Variants in VAV3 observed in about 807,000 individuals in gnomAD.
VAV3 encodes the protein vav guanine nucleotide exchange factor 3.
A neutral mutation model predicts 131.2 loss-of-function variants in VAV3; 94 were observed. The observed-to-expected ratio is 0.72, with a 90% CI of 0.61 to 0.85. VAV3 has a LOEUF of 0.85. Ranked by LOEUF, VAV3 falls within the 40% of genes least tolerant of loss-of-function variation. The pLI, the probability that VAV3 is intolerant of heterozygous loss-of-function variation, is 0.00. For missense variants in VAV3, 939 were observed against 1,002.7 expected, an observed-to-expected ratio of 0.94 and a Z score of 0.86; for synonymous variants, 349 against 342.0, an observed-to-expected ratio of 1.02 and a Z score of -0.22.
intron 2 of VAV3, among the ~76,000 whole-genome samples, chr1:107,837,355 T>C (rs1488750287): frequency 6.6e-6 from 1 of 152,076 alleles, no homozygotes; most frequent in Admixed American, 6.6e-5. Context: ...AAAAAAACTT[T>C]GAATAAAATC....
chr1:107,674,514 A>C (rs1658054997), intron 19 of VAV3, among the ~76,000 whole-genome samples: 1 of 152,228 alleles, frequency 6.6e-6, no homozygotes, highest in Admixed American at 6.5e-5. Context: ...ATTTGCACAG[A>C]ACTATACAGC....
chr1:107,930,312 C>G (rs1673366469), intron 1 of VAV3, among the ~76,000 whole-genome samples: 1 of 151,822 alleles, frequency 6.6e-6, no homozygotes, highest in African/African-American at 2.4e-5. Context: ...TACCTATGTA[C>G]CCACAAAAAT....
intron 19 of VAV3, among the ~76,000 whole-genome samples, chr1:107,659,091 T>C (rs867790615): frequency 6.6e-6 from 1 of 152,142 alleles, no homozygotes; most frequent in Non-Finnish European, 1.5e-5. Flanking sequence ...AGGTCTAACA[T>C]GTAAGTCTTT....
In VAV3 at chr1:107,864,515, C is replaced by T. The variant is rs1031793723; in HGVS notation, c.321+10386G>A. On this transcript the variant is annotated intron_variant, in intron 2 of 26. Coordinates refer to ENST00000370056, the MANE Select transcript of VAV3 (RefSeq NM_006113.5). ...GCATGCACCTGTAGTCCCAGCTACT[C>T]GGGAGGCTGAGGTGGAAGGATTGCT... Among the ~76,000 whole-genome samples the T allele has an allele frequency of 2.6e-5, 4 of 151,952 alleles. No homozygotes were observed. In the East Asian group the frequency reaches 5.8e-4, roughly 22 times the overall value.
chr1:107,636,429 T>A (rs1036284895), intron 20 of VAV3, among the ~76,000 whole-genome samples: 9 of 152,218 alleles, frequency 5.9e-5, no homozygotes, highest in Admixed American at 5.2e-4. Flanking sequence ...CCTTGACTTA[T>A]AATGGGGTTA....
At chr1:107,846,414 A>G (rs1216744810) in intron 2 of VAV3, among the ~76,000 whole-genome samples, 2 of 152,106 alleles carry the variant, frequency 1.3e-5, no homozygotes, top group Non-Finnish European at 2.9e-5. Flanking sequence ...TACACATAAC[A>G]ATATTAACCT....
At chr1:107,716,743 C>T in intron 15 of VAV3, among the ~76,000 whole-genome samples, 1 of 152,144 alleles carries the variant, frequency 6.6e-6, no homozygotes, top group East Asian at 1.9e-4. Context: ...CAGGATGATG[C>T]TGGCCTCATA....
At chr1:107,869,926 T>C (rs1670178909) in intron 2 of VAV3, among the ~76,000 whole-genome samples, 1 of 152,224 alleles carries the variant, frequency 6.6e-6, no homozygotes, top group Admixed American at 6.5e-5. Context: ...TTACTTCACT[T>C]AGAATAATAG....
chr1:107,897,599 C>T (rs576102079), intron 1 of VAV3, among the ~76,000 whole-genome samples: 2 of 152,208 alleles, frequency 1.3e-5, no homozygotes, highest in East Asian at 2.0e-4. Flanking sequence ...CTTCTAGTTA[C>T]ACTATTTGGC....
intron 25 of VAV3, among the ~76,000 whole-genome samples, chr1:107,582,518 C>T (rs1035240887): frequency 4.0e-5 from 6 of 151,080 alleles, no homozygotes; most frequent in African/African-American, 1.2e-4. Context: ...CCCACTAACT[C>T]GTCATCTAGC....
chr1:107,874,759 G>T, intron 2 of VAV3, 142 bp downstream of exon 2: 2 of 647,610 alleles, frequency 3.1e-6, no homozygotes, highest in Non-Finnish European at 5.1e-6. Context: ...TTTTGGTTTT[G>T]CTAAGCCATC....
chr1:107,583,705 G>C (rs925377367), intron 25 of VAV3, among the ~76,000 whole-genome samples: 13 of 150,786 alleles, frequency 8.6e-5, no homozygotes, highest in Non-Finnish European at 1.8e-4. Context: ...CAAGGGATGT[G>C]AAGGACCTCT....
intron 2 of VAV3, among the ~76,000 whole-genome samples, chr1:107,795,362 G>A (rs887409566): frequency 2.0e-5 from 3 of 152,174 alleles, no homozygotes; most frequent in African/African-American, 4.8e-5. Context: ...AACTCTTACA[G>A]GACTATCAAA....
At chr1:107,955,198 T>C (rs928769950) in intron 1 of VAV3, among the ~76,000 whole-genome samples, 2 of 152,212 alleles carry the variant, frequency 1.3e-5, no homozygotes, top group African/African-American at 2.4e-5. Flanking sequence ...AACAGACAGA[T>C]AGACAGGTTT....
At chr1:107,674,280 A>C (rs1658035463) in intron 19 of VAV3, among the ~76,000 whole-genome samples, 1 of 152,208 alleles carries the variant, frequency 6.6e-6, no homozygotes, top group African/African-American at 2.4e-5. Flanking sequence ...TTTCAGTGCC[A>C]GTGTCTACAG....
At chr1:107,600,289 G>A (rs1651742325) in intron 24 of VAV3, among the ~76,000 whole-genome samples, 4 of 152,126 alleles carry the variant, frequency 2.6e-5, no homozygotes, top group African/African-American at 9.7e-5. Flanking sequence ...AATTTTTATA[G>A]TTATTTACTA....
chr1:107,795,252 G>A (rs991916541), intron 2 of VAV3, among the ~76,000 whole-genome samples: 2 of 152,184 alleles, frequency 1.3e-5, no homozygotes, highest in East Asian at 1.9e-4. Flanking sequence ...TTAAATGGAC[G>A]AAGTTACCAA....
intron 1 of VAV3, among the ~76,000 whole-genome samples, chr1:107,929,318 G>A (rs1326504866): frequency 6.8e-6 from 1 of 147,008 alleles, no homozygotes; most frequent in Non-Finnish European, 1.5e-5. Context: ...TTATGCCCTA[G>A]AACAGTATAT....
At chr1:107,736,715 A>G (rs1662661557) in intron 15 of VAV3, among the ~76,000 whole-genome samples, 1 of 151,858 alleles carries the variant, frequency 6.6e-6, no homozygotes, top group Admixed American at 6.5e-5. Flanking sequence ...AGACACAAAC[A>G]AATGGAAGAA....
Sources: gnomAD v4.1 joint callset for allele counts (sites outside exome capture counted in the v4.1 genomes callset) on GRCh38, gnomAD v4.1.1 for gene constraint, MANE v1.5 for transcripts, NCBI Gene and HGNC (gene_info 2026-07-23, HGNC 2026-07-21) for gene names.